CAMTA1: variants seen among roughly 807,000 people sequenced by gnomAD.
CAMTA1 encodes the protein calmodulin-binding transcription activator 1.
CAMTA1 carries 27 observed loss-of-function variants against 170.9 expected under a neutral mutation model. The observed-to-expected ratio is 0.16, with a 90% CI of 0.12 to 0.22. The LOEUF (loss-of-function observed/expected upper bound fraction) is 0.22. CAMTA1 is among the 10% of genes least tolerant of loss of function. CAMTA1 has a pLI of 1.00. For missense variants in CAMTA1, 1,619 were observed against 2,217.2 expected, an observed-to-expected ratio of 0.73 and a Z score of 5.42; for synonymous variants, 833 against 891.5, an observed-to-expected ratio of 0.93 and a Z score of 1.17.
intron 5 of CAMTA1, among the ~76,000 whole-genome samples, chr1:7,462,889 ACATCCT>A (rs985748150): frequency 3.3e-5 from 5 of 152,194 alleles, no homozygotes; most frequent in Non-Finnish European, 5.9e-5. Context: ...GGCAGAGTCC[ACATCCT>A]CCCTCCACCC....
At chr1:7,303,568 A>G (rs1271451095) in intron 5 of CAMTA1, among the ~76,000 whole-genome samples, 1 of 152,100 alleles carries the variant, frequency 6.6e-6, no homozygotes, top group Non-Finnish European at 1.5e-5. Context: ...CATCGTTTCC[A>G]TTGTTTCATT....
At chr1:7,201,615 G>A (rs1187774683) in intron 4 of CAMTA1, among the ~76,000 whole-genome samples, 1 of 152,082 alleles carries the variant, frequency 6.6e-6, no homozygotes, top group Non-Finnish European at 1.5e-5. Flanking sequence ...GTTTTGATGT[G>A]AATCTCCCTG....
At chr1:7,118,866 C>T (rs916006415) in intron 4 of CAMTA1, among the ~76,000 whole-genome samples, 6 of 151,976 alleles carry the variant, frequency 3.9e-5, no homozygotes, top group East Asian at 1.9e-4. Context: ...TGAGAGGCTC[C>T]GAATACAAAC....
chr1:7,712,075 T>G (rs1310116815), intron 11 of CAMTA1, among the ~76,000 whole-genome samples: 2 of 152,208 alleles, frequency 1.3e-5, no homozygotes, highest in African/African-American at 4.8e-5. Context: ...TACAAGTATG[T>G]ATTGCAAAAC....
chr1:7,453,236 G>A (rs567729852), intron 5 of CAMTA1, among the ~76,000 whole-genome samples: 1 of 152,244 alleles, frequency 6.6e-6, no homozygotes, highest in Non-Finnish European at 1.5e-5. Context: ...GAGGTTCACG[G>A]GAGGAGGCTG....
At chr1:7,271,009 A>G (rs796379822) in intron 5 of CAMTA1, among the ~76,000 whole-genome samples, 5 of 152,314 alleles carry the variant, frequency 3.3e-5, no homozygotes, top group African/African-American at 1.2e-4. Flanking sequence ...ATGAAACCCA[A>G]AATCATCCAG....
chr1:7,640,601 G>A (rs757113663), intron 7 of CAMTA1, 48 bp downstream of exon 7: 1 of 1,611,896 alleles, frequency 6.2e-7, no homozygotes, highest in Admixed American at 1.7e-5. Context: ...GAACCAGGCT[G>A]GCATCAACCA....
intron 6 of CAMTA1, among the ~76,000 whole-genome samples, chr1:7,552,534 G>A (rs2094817214): frequency 6.6e-6 from 1 of 152,260 alleles, no homozygotes. Flanking sequence ...AGCACTGGCC[G>A]ACAGGAGGGA....
At chr1:7,461,249 G>A (rs929799065) in intron 5 of CAMTA1, among the ~76,000 whole-genome samples, 2 of 152,098 alleles carry the variant, frequency 1.3e-5, no homozygotes, top group Admixed American at 6.6e-5. Context: ...TCAAGCATAC[G>A]GACTCCCCAA....
intron 7 of CAMTA1, among the ~76,000 whole-genome samples, chr1:7,653,677 G>C (rs1274286231): frequency 6.6e-6 from 1 of 152,050 alleles, no homozygotes; most frequent in Non-Finnish European, 1.5e-5. Context: ...TCTGCTTATA[G>C]CTCACTGAGG....
rs185042912 is a variant in CAMTA1 at position 7,472,967 on chromosome 1, C to T, written c.510+5066C>T. On this transcript the variant is annotated intron_variant, in intron 6 of 22. Coordinates refer to ENST00000303635, the MANE Select transcript of CAMTA1 (RefSeq NM_015215.4). ...GCCTTTACCTGGGACTCACCACCCC[C>T]CAGGAGAGGAAGAAGATGCCTTCTC... is the stretch of plus-strand genomic sequence containing the variant. Among the ~76,000 whole-genome samples the T allele has an allele frequency of 2.2e-3, 339 of 152,292 alleles. 2 individuals carry two copies. Among genetic ancestry groups the T allele is most frequent in the African/African-American group, 8.0e-3 (333 of 41,566 alleles).
At chr1:6,892,085 A>G (rs1315496990) in intron 3 of CAMTA1, among the ~76,000 whole-genome samples, 1 of 152,242 alleles carries the variant, frequency 6.6e-6, no homozygotes, top group Non-Finnish European at 1.5e-5. Context: ...CCCTCTTAAA[A>G]TGGCTAACCT....
At chr1:7,725,430 C>T (rs556096152) in intron 11 of CAMTA1, among the ~76,000 whole-genome samples, 11 of 152,324 alleles carry the variant, frequency 7.2e-5, no homozygotes, top group African/African-American at 2.4e-4. Context: ...TTTCGAGTAT[C>T]GCCTGGTCTG....
intron 4 of CAMTA1, among the ~76,000 whole-genome samples, chr1:7,120,539 A>G (rs979771971): frequency 1.3e-5 from 2 of 152,234 alleles, no homozygotes; most frequent in East Asian, 1.9e-4. Context: ...CCGTATGTGA[A>G]CAAATCACAG....
At chr1:6,896,896 T>C (rs888300317) in intron 3 of CAMTA1, among the ~76,000 whole-genome samples, 3 of 152,240 alleles carry the variant, frequency 2.0e-5, no homozygotes, top group African/African-American at 7.2e-5. Flanking sequence ...TCATTCTTGT[T>C]GCTGTCTTTA....
chr1:7,253,346 A>G (rs950672887), intron 5 of CAMTA1, among the ~76,000 whole-genome samples: 4 of 152,162 alleles, frequency 2.6e-5, no homozygotes, highest in African/African-American at 9.7e-5. Context: ...TCTGGGCCAC[A>G]CTGGAAGAAT....
At chr1:7,405,603 C>T (rs985486112) in intron 5 of CAMTA1, among the ~76,000 whole-genome samples, 1 of 152,150 alleles carries the variant, frequency 6.6e-6, no homozygotes, top group African/African-American at 2.4e-5. Flanking sequence ...AACTCCTAGG[C>T]TCAAGTCATC....
rs78247133 is a variant in CAMTA1 at position 7,303,190 on chromosome 1, C to T, written c.438+53564C>T. ...CACCGTTATTATTACTTGACTTCTT[C>T]CTGTCTTCTGCCTCGTAGTTGAGAT... On this transcript the variant is annotated intron_variant, in intron 5 of 22. Transcript: ENST00000303635. Among the ~76,000 whole-genome samples the T allele has an allele frequency of 5.9e-3, 892 of 152,282 alleles. 6 individuals are homozygous for T. The highest frequency in any genetic ancestry group is 7.3e-3 in the Non-Finnish European group (498 of 68,018).
intron 5 of CAMTA1, among the ~76,000 whole-genome samples, chr1:7,394,999 C>T (rs1470714817): frequency 6.6e-6 from 1 of 152,014 alleles, no homozygotes; most frequent in African/African-American, 2.4e-5. Flanking sequence ...TCTTCTGCCT[C>T]AGCGTCCCAA....
Sources: allele counts gnomAD v4.1 joint callset (sites outside exome capture counted in the v4.1 genomes callset), GRCh38; gene constraint gnomAD v4.1.1; transcripts MANE v1.5; gene names NCBI Gene and HGNC (gene_info 2026-07-23, HGNC 2026-07-21).